Variants in AQP9 observed in about 807,000 individuals in gnomAD.
The protein encoded by AQP9 is aquaporin-9.
In AQP9, 19 loss-of-function variants were observed where a neutral mutation model predicts 23.8. The ratio of observed to expected loss-of-function variants is 0.80; its 90% CI spans 0.56 to 1.17. The LOEUF (loss-of-function observed/expected upper bound fraction) is 1.17. Ranked by LOEUF, AQP9 falls within the 50% of genes most tolerant of loss-of-function variation. The pLI, the probability that AQP9 is intolerant of heterozygous loss-of-function variation, is 0.00. For synonymous variants in AQP9, 153 were observed against 131.5 expected (o/e 1.16, Z -1.12); for missense variants, 413 against 362.0 (o/e 1.14, Z -1.14).
chr15:58,144,455 A>G (rs1445014593), intron 1 of AQP9, among the ~76,000 whole-genome samples: 10 of 152,182 alleles, frequency 6.6e-5, no homozygotes, highest in African/African-American at 2.4e-4. Context: ...TGCCTAGACT[A>G]TTCAGTGCCA....
At chr15:58,138,840 G>A in intron 1 of AQP9, 164 bp downstream of exon 1, 2 of 605,822 alleles carry the variant, frequency 3.3e-6, no homozygotes, top group Admixed American at 6.3e-5. Context: ...ACTATTTAGG[G>A]GTTGTGATAT....
chr15:58,169,343 T>A (rs376671235), intron 2 of AQP9, among the ~76,000 whole-genome samples: 10 of 152,214 alleles, frequency 6.6e-5, no homozygotes, highest in African/African-American at 2.2e-4. Flanking sequence ...CTTATCTTTC[T>A]ATCTCTATTT....
rs763752290 is a variant in AQP9, at chr15:58,173,071, G to T, written c.242G>T (p.Gly81Val). 1 of 1,613,840 alleles carries T rather than the reference G, an allele frequency of 6.2e-7. No individual in the cohort carries two copies. The highest frequency in any genetic ancestry group is 8.5e-7 in the Non-Finnish European group (1 of 1,179,800). Residue 81 changes from glycine to valine, a missense_variant, in exon 3 of 6, where the codon GGT becomes GTT. By Grantham distance (109) the Gly-to-Val change is moderately radical (BLOSUM62 -3). Transcript: ENST00000219919. ...CTTCTCCAATCTTCCCTTGCAGGTG[G>T]TCACATCAACCCAGCTGTGTCTTTA... Reference protein sequence around the residue: ...AIYVAGGVSGGHINPAVSLAM... With the variant: ...AIYVAGGVSGVHINPAVSLAM...
chr15:58,153,878 G>T (rs1239998865), intron 1 of AQP9: 3 of 152,090 alleles, frequency 2.0e-5, no homozygotes, highest in Admixed American at 2.0e-4. Context: ...TCTTCGCTCT[G>T]ATAGGACAAC....
intron 1 of AQP9, chr15:58,150,572 T>C (rs1443451736): frequency 6.6e-6 from 1 of 152,536 alleles, no homozygotes; most frequent in Non-Finnish European, 1.5e-5. Flanking sequence ...ATCCTACTCT[T>C]TTAGTATAAG....
intron 1 of AQP9, among the ~76,000 whole-genome samples, chr15:58,158,282 C>G (rs1375209814): frequency 6.6e-6 from 1 of 152,150 alleles, no homozygotes; most frequent in African/African-American, 2.4e-5. Context: ...CATCTGATGA[C>G]CTCTTGTTCC....
chr15:58,182,734 A>C (rs567868095), intron 5 of AQP9, among the ~76,000 whole-genome samples: 1 of 152,274 alleles, frequency 6.6e-6, no homozygotes, highest in East Asian at 1.9e-4. Context: ...GGTAAGAGTG[A>C]CATCTGGTGG....
At chr15:58,146,395 A>G (rs1314925341) in intron 1 of AQP9, among the ~76,000 whole-genome samples, 1 of 151,998 alleles carries the variant, frequency 6.6e-6, no homozygotes, top group Non-Finnish European at 1.5e-5. Context: ...TCTGTTTAAC[A>G]CGTTCATTGA....
chr15:58,144,487 G>T (rs1393888543), intron 1 of AQP9, among the ~76,000 whole-genome samples: 4 of 152,116 alleles, frequency 2.6e-5, no homozygotes, highest in Non-Finnish European at 4.4e-5. Context: ...GTCCAAACTT[G>T]CACTACCTCA....
intron 1 of AQP9, among the ~76,000 whole-genome samples, chr15:58,164,950 T>A (rs2414542): frequency 0.61 from 93,259 of 151,968 alleles, 30,043 homozygotes; most frequent in Admixed American, 0.72. Flanking sequence ...ATGAAAAGAC[T>A]CAATAGTAGG....
intron 4 of AQP9, among the ~76,000 whole-genome samples, chr15:58,178,136 A>G (rs1383313701): frequency 6.6e-6 from 1 of 152,220 alleles, no homozygotes; most frequent in Non-Finnish European, 1.5e-5. Context: ...ACACAATTTT[A>G]TATTGGGGAC....
intron 2 of AQP9, among the ~76,000 whole-genome samples, chr15:58,168,457 G>A (rs1182610957): frequency 6.6e-6 from 1 of 152,148 alleles, no homozygotes; most frequent in East Asian, 1.9e-4. Context: ...TGCCTTTGTA[G>A]CACTGAAGAA....
At chr15:58,182,043 C>T (rs966814276) in intron 5 of AQP9, among the ~76,000 whole-genome samples, 4 of 152,212 alleles carry the variant, frequency 2.6e-5, no homozygotes, top group East Asian at 1.9e-4. Flanking sequence ...TACTCCTGAA[C>T]GGCAAGCAGT....
intron 1 of AQP9, among the ~76,000 whole-genome samples, chr15:58,156,259 T>C (rs909045640): frequency 2.0e-5 from 3 of 152,228 alleles, no homozygotes; most frequent in African/African-American, 7.2e-5. Flanking sequence ...CTAATACTAA[T>C]ACATTAGTGC....
chr15:58,157,389 T>C (rs1360554150), intron 1 of AQP9, among the ~76,000 whole-genome samples: 2 of 152,208 alleles, frequency 1.3e-5, no homozygotes, highest in African/African-American at 4.8e-5. Context: ...CTTGGAGGTA[T>C]TGGGGCATTT....
chr15:58,180,826 CA>C (rs571755707), intron 5 of AQP9, among the ~76,000 whole-genome samples: 42 of 152,242 alleles, frequency 2.8e-4, no homozygotes, highest in African/African-American at 1.0e-3. Flanking sequence ...TTATTCAGTC[CA>C]AAATGTTAAT....
At chr15:58,174,219 G>T (rs1313238920) in intron 3 of AQP9, among the ~76,000 whole-genome samples, 1 of 151,878 alleles carries the variant, frequency 6.6e-6, no homozygotes, top group Non-Finnish European at 1.5e-5. Flanking sequence ...CCAGATCAAG[G>T]CTGCAGTGAG....
intron 1 of AQP9, among the ~76,000 whole-genome samples, chr15:58,157,786 G>C (rs1430753528): frequency 6.6e-6 from 1 of 152,140 alleles, no homozygotes; most frequent in African/African-American, 2.4e-5. Flanking sequence ...AGGGGAGCTA[G>C]AAATCAAGTG....
chr15:58,154,884 C>G (rs1898218398), intron 1 of AQP9: 1 of 152,332 alleles, frequency 6.6e-6, no homozygotes, highest in African/African-American at 2.4e-5. Context: ...AATCATAAGC[C>G]ATTATTCCTA....
Sources: gnomAD v4.1 joint callset for allele counts (sites outside exome capture counted in the v4.1 genomes callset) on GRCh38, gnomAD v4.1.1 for gene constraint, MANE v1.5 for transcripts, NCBI Gene and HGNC (gene_info 2026-07-23, HGNC 2026-07-21) for gene names.